The following SOX5 variants were observed in gnomAD, a reference collection of about 807,000 sequenced individuals.
The protein encoded by SOX5 is transcription factor SOX-5.
In SOX5, 9 loss-of-function variants were observed where a neutral mutation model predicts 92.0. That is an observed-to-expected ratio of 0.10 (90% CI 0.06 to 0.17). SOX5 has a LOEUF of 0.17. Among genes scored for constraint, SOX5 ranks in the 10% least tolerant of loss-of-function variants. The probability of loss-of-function intolerance (pLI) is 1.00; values close to 1 mark genes in which losing one functional copy is unlikely to be tolerated. For missense variants in SOX5, 642 were observed against 944.5 expected (o/e 0.68, Z 4.20); for synonymous variants, 344 against 336.3 (o/e 1.02, Z -0.25).
intron 4 of SOX5, among the ~76,000 whole-genome samples, chr12:24,050,489 C>T (rs1216557774): frequency 6.6e-6 from 1 of 152,026 alleles, no homozygotes; most frequent in Non-Finnish European, 1.5e-5. Context: ...GCAAAGAATA[C>T]TTAGAGTAAT....
At chr12:24,390,496 T>C (rs191716374) in intron 1 of SOX5, among the ~76,000 whole-genome samples, 101 of 152,290 alleles carry the variant, frequency 6.6e-4, no homozygotes, top group Non-Finnish European at 1.3e-3. Context: ...TATTGCATAG[T>C]GATGAAGTCT....
intron 2 of SOX5, among the ~76,000 whole-genome samples, chr12:24,287,346 T>C (rs12310754): frequency 0.12 from 11,690 of 97,286 alleles, 1,326 homozygotes; most frequent in African/African-American, 0.34. Context: ...GTATTAACTT[T>C]TTCTCGTCTT....
In SOX5 at chr12:23,610,664, GA is replaced by G. The variant is rs1312302901; in HGVS notation, c.1018-6132del. ...CATGCTTGTACAATCCAAAGAATTA[GA>G]AAGAAAGGCTCATTAGTAATATAGA... On this transcript the variant is annotated intron_variant, in intron 8 of 14. Transcript: ENST00000451604. 2.0e-5 allele frequency among the ~76,000 whole-genome samples: 3 copies of G among 152,116 alleles called. No homozygotes were observed. The East Asian group carries it at 5.8e-4, about 29-fold the overall frequency.
exon 1 of SOX5, chr12:24,562,386 G>A (rs920495562): frequency 6.5e-6 from 1 of 152,830 alleles, no homozygotes; most frequent in Non-Finnish European, 1.5e-5. Context: ...GTGGCACAGA[G>A]GCGGGCTGGG....
chr12:23,802,100 G>A (rs2095669693), intron 3 of SOX5, among the ~76,000 whole-genome samples: 1 of 152,010 alleles, frequency 6.6e-6, no homozygotes, highest in South Asian at 2.1e-4. Context: ...TTGAGACGGA[G>A]TCCCACTCTG....
chr12:23,701,155 C>T (rs1344838024), intron 6 of SOX5, among the ~76,000 whole-genome samples: 1 of 151,908 alleles, frequency 6.6e-6, no homozygotes, highest in Non-Finnish European at 1.5e-5. Context: ...AGTTATAACC[C>T]TTAATTACTG....
At chr12:24,010,235 A>G (rs1365047436) in intron 4 of SOX5, among the ~76,000 whole-genome samples, 1 of 152,194 alleles carries the variant, frequency 6.6e-6, no homozygotes, top group African/African-American at 2.4e-5. Context: ...CTTTCTTGCT[A>G]CTAGAATATA....
chr12:24,257,922 C>T (rs1266320196), intron 3 of SOX5, among the ~76,000 whole-genome samples: 4 of 152,076 alleles, frequency 2.6e-5, no homozygotes, highest in Middle Eastern at 3.2e-3. Context: ...CGCCTGTAAT[C>T]CCAGCACTTT....
At position 23,534,490 on chromosome 12, in the gene SOX5, C is replaced by T. The variant is rs1189948723; in HGVS notation, c.2021G>A (p.Gly674Asp). Residue 674 changes from glycine to aspartate, a missense_variant, in exon 15 of 15, where the codon GGT (glycine) becomes GAT (aspartate). Gly to Asp is a moderately conservative substitution (Grantham distance 94). Transcript: ENST00000451604. ...GGCGATGGCTCCAGGGTACACAACACCAGCAGTGGCAATGGGGATCTGTGC... is the reference window on the plus strand; with the variant it reads ...GGCGATGGCTCCAGGGTACACAACATCAGCAGTGGCAATGGGGATCTGTGC... ...QQAQIPIATA[G>D]VVYPGAIAMA... The T allele has an allele frequency of 6.2e-7, 1 of 1,613,530 alleles. No homozygotes were observed. Among genetic ancestry groups the T allele is most frequent in the Non-Finnish European group, 8.5e-7 (1 of 1,179,868 alleles).
At chr12:24,142,650 C>T (rs1950698189) in intron 4 of SOX5, among the ~76,000 whole-genome samples, 2 of 151,964 alleles carry the variant, frequency 1.3e-5, no homozygotes, top group Non-Finnish European at 2.9e-5. Flanking sequence ...AAATATTGAA[C>T]ATCAGGCAAC....
At chr12:24,427,466 A>G (rs10771088) in intron 1 of SOX5, among the ~76,000 whole-genome samples, 37,024 of 152,146 alleles carry the variant, frequency 0.24, 5,832 homozygotes, top group East Asian at 0.66. Flanking sequence ...CACATGGGAG[A>G]TAGAATAAAT....
At chr12:24,181,421 A>C (rs1413060303) in intron 4 of SOX5, among the ~76,000 whole-genome samples, 1 of 152,196 alleles carries the variant, frequency 6.6e-6, no homozygotes, top group African/African-American at 2.4e-5. Context: ...TGAATGACTG[A>C]ATGGTAAAAC....
At chr12:23,739,030 A>AG (rs1230170415) in intron 5 of SOX5, among the ~76,000 whole-genome samples, 1 of 152,188 alleles carries the variant, frequency 6.6e-6, no homozygotes, top group Non-Finnish European at 1.5e-5. Flanking sequence ...AATGGAAATA[A>AG]GGGGGTGGAA....
At chr12:24,503,934 G>T (rs1354287080) in intron 1 of SOX5, among the ~76,000 whole-genome samples, 2 of 151,850 alleles carry the variant, frequency 1.3e-5, no homozygotes, top group African/African-American at 4.8e-5. Context: ...TAACAAACCT[G>T]CACGTTCTGC....
At chr12:23,834,429 C>CA (rs888280914) in intron 3 of SOX5, among the ~76,000 whole-genome samples, 13 of 151,898 alleles carry the variant, frequency 8.6e-5, no homozygotes, top group African/African-American at 2.4e-4. Flanking sequence ...ATAACACGAG[C>CA]AAATCAGTAA....
intron 4 of SOX5, among the ~76,000 whole-genome samples, chr12:24,095,798 G>T (rs1339719284): frequency 6.6e-6 from 1 of 151,886 alleles, no homozygotes; most frequent in Admixed American, 6.6e-5. Flanking sequence ...TTTTATAAGG[G>T]GCTCTCCCTC....
At chr12:24,414,538 G>A (rs948094888) in intron 1 of SOX5, among the ~76,000 whole-genome samples, 22 of 152,178 alleles carry the variant, frequency 1.4e-4, no homozygotes, top group Non-Finnish European at 2.5e-4. Flanking sequence ...TTCCAGCCCC[G>A]TGTACTGGTC....
At chr12:24,454,437 C>A (rs1942753167) in intron 1 of SOX5, among the ~76,000 whole-genome samples, 1 of 152,168 alleles carries the variant, frequency 6.6e-6, no homozygotes, top group Admixed American at 6.5e-5. Context: ...CACTTTTATT[C>A]CTCACCCTTG....
chr12:23,988,228 C>T (rs1241622312), intron 4 of SOX5, among the ~76,000 whole-genome samples: 3 of 152,004 alleles, frequency 2.0e-5, no homozygotes, highest in African/African-American at 7.3e-5. Flanking sequence ...CTATTTTGGC[C>T]ATGTAATACT....
Sources: gnomAD v4.1 joint callset for allele counts (sites outside exome capture counted in the v4.1 genomes callset) on GRCh38, gnomAD v4.1.1 for gene constraint, MANE v1.5 for transcripts, NCBI Gene and HGNC (gene_info 2026-07-23, HGNC 2026-07-21) for gene names.